ZSWIM6: variants seen among roughly 807,000 people sequenced by gnomAD.
ZSWIM6 encodes zinc finger SWIM domain-containing protein 6.
Under a neutral mutation model 113.2 loss-of-function variants are expected in ZSWIM6, and 9 were observed. The observed-to-expected ratio is 0.08, with a 90% CI of 0.05 to 0.14. The LOEUF is 0.14. Ranked by LOEUF, ZSWIM6 falls within the 10% of genes least tolerant of loss-of-function variation. The probability of loss-of-function intolerance (pLI) is 1.00; values close to 1 mark genes in which losing one functional copy is unlikely to be tolerated. For synonymous variants in ZSWIM6, 611 were observed against 606.5 expected, an observed-to-expected ratio of 1.01 and a Z score of -0.11; for missense variants, 1,162 against 1,552.2, an observed-to-expected ratio of 0.75 and a Z score of 4.22.
intron 4 of ZSWIM6, among the ~76,000 whole-genome samples, chr5:61,502,587 C>A (rs1183997366): frequency 6.6e-6 from 1 of 152,210 alleles, no homozygotes; most frequent in Non-Finnish European, 1.5e-5. Flanking sequence ...CTTCAGTAGG[C>A]TTTTAATAGG....
At chr5:61,380,922 C>CA (rs911693946) in intron 1 of ZSWIM6, among the ~76,000 whole-genome samples, 3 of 147,614 alleles carry the variant, frequency 2.0e-5, no homozygotes, top group Non-Finnish European at 4.5e-5. Flanking sequence ...AACATGGCGA[C>CA]ACGCAGTTTC....
intron 1 of ZSWIM6, among the ~76,000 whole-genome samples, chr5:61,366,424 A>G (rs907633573): frequency 6.6e-6 from 1 of 152,170 alleles, no homozygotes; most frequent in African/African-American, 2.4e-5. Context: ...TTCAAACCTC[A>G]CAAAGAAGGT....
chr5:61,376,002 C>T (rs1745368284), intron 1 of ZSWIM6: 1 of 550,914 alleles, frequency 1.8e-6, no homozygotes, highest in South Asian at 2.1e-5. Flanking sequence ...ACTCAGATGC[C>T]ACTGTGTGAA....
chr5:61,417,442 A>G (rs1361513999), intron 1 of ZSWIM6, among the ~76,000 whole-genome samples: 3 of 152,210 alleles, frequency 2.0e-5, no homozygotes, highest in African/African-American at 7.2e-5. Flanking sequence ...ATGGGTAGAA[A>G]TGCTGTTTTT....
At chr5:61,339,724 G>T (rs1432250895) in intron 1 of ZSWIM6, among the ~76,000 whole-genome samples, 1 of 152,120 alleles carries the variant, frequency 6.6e-6, no homozygotes, top group Admixed American at 6.5e-5. Context: ...TAAAAAGGTA[G>T]TAAACAGTAT....
chr5:61,427,627 A>G (rs1446262673), intron 1 of ZSWIM6, among the ~76,000 whole-genome samples: 3 of 152,056 alleles, frequency 2.0e-5, no homozygotes, highest in Non-Finnish European at 4.4e-5. Context: ...TACAGGCACA[A>G]GCCACTGTGC....
intron 4 of ZSWIM6, among the ~76,000 whole-genome samples, chr5:61,502,528 C>A (rs1748499985): frequency 6.6e-6 from 1 of 152,168 alleles, no homozygotes; most frequent in African/African-American, 2.4e-5. Context: ...CAAGATTGTT[C>A]TGGAGGAAAG....
At chr5:61,502,637 TC>T (rs1239926999) in intron 4 of ZSWIM6, among the ~76,000 whole-genome samples, 3 of 152,174 alleles carry the variant, frequency 2.0e-5, no homozygotes, top group Non-Finnish European at 4.4e-5. Context: ...GGTTCCCCCA[TC>T]CCCGGACTGT....
chr5:61,478,366 C>A (rs1225234251), intron 2 of ZSWIM6, among the ~76,000 whole-genome samples: 2 of 152,142 alleles, frequency 1.3e-5, no homozygotes, highest in African/African-American at 4.8e-5. Context: ...TCCAAAAGCA[C>A]CCTTATTCTC....
rs199750711 is a variant in ZSWIM6, at chr5:61,393,144, A to T, written c.676+60196A>T. 3.2e-4 allele frequency among the ~76,000 whole-genome samples: 48 copies of T among 151,732 alleles called. No homozygotes were observed. The East Asian group carries it at 8.6e-3, about 27-fold the overall frequency. ...AACCTCCGCCTCCCAGGTTGAAGCGATTCTCCTGCCTCAGCCCTCCCGAGT... is the reference window on the plus strand; with the variant it reads ...AACCTCCGCCTCCCAGGTTGAAGCGTTTCTCCTGCCTCAGCCCTCCCGAGT... On this transcript the variant is annotated intron_variant, in intron 1 of 13. Coordinates refer to ENST00000252744, the MANE Select transcript of ZSWIM6 (RefSeq NM_020928.2).
intron 4 of ZSWIM6, among the ~76,000 whole-genome samples, chr5:61,500,045 C>G (rs1748421961): frequency 1.3e-5 from 2 of 151,670 alleles, no homozygotes. Flanking sequence ...GGAATTTAAT[C>G]CCAGGTGTCA....
At chr5:61,359,842 AAAAAC>A (rs992716881) in intron 1 of ZSWIM6, among the ~76,000 whole-genome samples, 2 of 152,198 alleles carry the variant, frequency 1.3e-5, no homozygotes, top group Admixed American at 6.5e-5. Context: ...AAAATGGAAA[AAAAAC>A]AAAACAAAAC....
intron 1 of ZSWIM6, among the ~76,000 whole-genome samples, chr5:61,436,215 A>T (rs999998543): frequency 6.6e-6 from 1 of 152,122 alleles, no homozygotes; most frequent in East Asian, 1.9e-4. Flanking sequence ...AAAAAAAAAA[A>T]AAATGTAGTC....
At chr5:61,339,626 T>C (rs377670048) in intron 1 of ZSWIM6, among the ~76,000 whole-genome samples, 1 of 152,230 alleles carries the variant, frequency 6.6e-6, no homozygotes, top group South Asian at 2.1e-4. Flanking sequence ...TAAACTGTTA[T>C]ATTTAAGAGC....
At chr5:61,399,235 T>C (rs1472663483) in intron 1 of ZSWIM6, among the ~76,000 whole-genome samples, 1 of 150,098 alleles carries the variant, frequency 6.7e-6, no homozygotes, top group Non-Finnish European at 1.5e-5. Context: ...GTGTATGTTT[T>C]TTTTTTTTTT....
intron 1 of ZSWIM6, chr5:61,391,215 G>A (rs746028491): frequency 1.1e-6 from 1 of 887,626 alleles, no homozygotes; most frequent in Non-Finnish European, 1.9e-6. Flanking sequence ...TCAACCTGAT[G>A]ACGTCGATCA....
intron 1 of ZSWIM6, chr5:61,375,059 G>A (rs1477870287): frequency 3.9e-6 from 6 of 1,520,488 alleles, no homozygotes; most frequent in Non-Finnish European, 5.5e-6. Flanking sequence ...TAAAGGGTAA[G>A]TCTCTCCGGC....
At chr5:61,533,221 C>T (rs543866599) in intron 9 of ZSWIM6, among the ~76,000 whole-genome samples, 6 of 152,340 alleles carry the variant, frequency 3.9e-5, no homozygotes, top group African/African-American at 1.4e-4. Context: ...AGGTGCAGGA[C>T]AGGAGGCAGT....
At chr5:61,450,210 C>T (rs1747057744) in intron 1 of ZSWIM6, among the ~76,000 whole-genome samples, 2 of 152,166 alleles carry the variant, frequency 1.3e-5, no homozygotes, top group African/African-American at 2.4e-5. Context: ...ATCTTTCCCA[C>T]TCATTTTTCC....
Sources: gnomAD v4.1 joint callset for allele counts (sites outside exome capture counted in the v4.1 genomes callset) on GRCh38, gnomAD v4.1.1 for gene constraint, MANE v1.5 for transcripts, NCBI Gene and HGNC (gene_info 2026-07-23, HGNC 2026-07-21) for gene names.